TEX11: variants seen among roughly 807,000 people sequenced by gnomAD.
TEX11 encodes testis-expressed protein 11.
Under a neutral mutation model 84.4 loss-of-function variants are expected in TEX11, and 7 were observed. The observed-to-expected ratio is 0.08, with a 90% CI of 0.05 to 0.16. The LOEUF (loss-of-function observed/expected upper bound fraction) is 0.16. Among genes scored for constraint, TEX11 ranks in the 10% least tolerant of loss-of-function variants. The probability of loss-of-function intolerance (pLI) is 1.00; values close to 1 mark genes in which losing one functional copy is unlikely to be tolerated. For synonymous variants in TEX11, 264 were observed against 222.8 expected, an observed-to-expected ratio of 1.18 and a Z score of -1.64; for missense variants, 551 against 660.5, an observed-to-expected ratio of 0.83 and a Z score of 1.82.
intron 7 of TEX11, among the ~76,000 whole-genome samples, chrX:70,847,432 C>T (rs770305780): frequency 9.0e-6 from 1 of 111,447 alleles, no homozygotes; most frequent in African/African-American, 3.2e-5. Context: ...AAGCACTGGC[C>T]ACTGTTGATC....
At chrX:70,836,541 A>T (rs921954261) in intron 7 of TEX11, among the ~76,000 whole-genome samples, 1 of 112,445 alleles carries the variant, frequency 8.9e-6, no homozygotes, top group Non-Finnish European at 1.9e-5. Flanking sequence ...AGGGAGATAC[A>T]GATGGCAAAT....
intron 26 of TEX11, 111 bp from the exon 27 acceptor site, chrX:70,553,525 C>A: frequency 2.5e-6 from 1 of 399,969 alleles, no homozygotes. Flanking sequence ...AACAGATGAA[C>A]AAAAATAAAC....
intron 9 of TEX11, among the ~76,000 whole-genome samples, chrX:70,774,154 C>A (rs1006141450): frequency 9.1e-6 from 1 of 109,952 alleles, no homozygotes; most frequent in Non-Finnish European, 1.9e-5. Context: ...CAACAGACTG[C>A]GCACTGTCCT....
At chrX:70,773,341 C>T (rs934274624) in intron 9 of TEX11, among the ~76,000 whole-genome samples, 6 of 111,020 alleles carry the variant, frequency 5.4e-5, no homozygotes, top group African/African-American at 1.6e-4. Context: ...CCAGATTTCT[C>T]GGCAGAAACC....
chrX:70,825,703 T>C (rs2091341726), intron 8 of TEX11, among the ~76,000 whole-genome samples: 1 of 112,357 alleles, frequency 8.9e-6, no homozygotes, highest in Non-Finnish European at 1.9e-5. Flanking sequence ...TGGCCGGGTG[T>C]GGTGGCTCAC....
At chrX:70,579,211 G>A (rs182353858) in intron 25 of TEX11, among the ~76,000 whole-genome samples, 18 of 109,844 alleles carry the variant, frequency 1.6e-4, no homozygotes, top group South Asian at 1.6e-3. Flanking sequence ...AAACTGGGCC[G>A]GGCGCGGTGG....
intron 17 of TEX11, among the ~76,000 whole-genome samples, chrX:70,635,172 A>G (rs2089556467): frequency 8.9e-6 from 1 of 112,160 alleles, no homozygotes; most frequent in Non-Finnish European, 1.9e-5. Context: ...GAAAAGATGC[A>G]TTGAAGAGTG....
intron 18 of TEX11, among the ~76,000 whole-genome samples, chrX:70,629,043 G>C (rs901903478): frequency 1.2e-4 from 13 of 112,117 alleles, no homozygotes; most frequent in African/African-American, 4.2e-4. Flanking sequence ...ATTTTGCAAA[G>C]GATGAAATTA....
intron 17 of TEX11, among the ~76,000 whole-genome samples, chrX:70,639,158 G>A (rs752839369): frequency 2.7e-5 from 3 of 111,774 alleles, no homozygotes; most frequent in Middle Eastern, 4.6e-3. Context: ...AAGGGGTGAC[G>A]GACGGCACCT....
intron 16 of TEX11, among the ~76,000 whole-genome samples, chrX:70,658,931 A>G (rs1000604398): frequency 6.2e-5 from 7 of 112,018 alleles, no homozygotes; most frequent in African/African-American, 1.6e-4. Flanking sequence ...GGTTTTTGAC[A>G]AGGGTTCCCA....
At chrX:70,767,842 G>A (rs1385387548) in intron 9 of TEX11, among the ~76,000 whole-genome samples, 1 of 111,408 alleles carries the variant, frequency 9.0e-6, no homozygotes, top group Non-Finnish European at 1.9e-5. Context: ...TGAATCTGGA[G>A]ATCATTATGT....
At chrX:70,646,076 T>C (rs1484423390) in intron 17 of TEX11, among the ~76,000 whole-genome samples, 1 of 111,524 alleles carries the variant, frequency 9.0e-6, no homozygotes, top group Admixed American at 9.6e-5. Flanking sequence ...AACAGATACA[T>C]AGGCCAATGG....
At chrX:70,593,871 C>T (rs1161087716) in intron 24 of TEX11, among the ~76,000 whole-genome samples, 2 of 111,007 alleles carry the variant, frequency 1.8e-5, no homozygotes, top group African/African-American at 3.3e-5. Flanking sequence ...TAAACCAAGC[C>T]TCAGTAAAAC....
At chrX:70,857,041 T>G (rs2091540443) in intron 5 of TEX11, 1 of 111,257 alleles carries the variant, frequency 9.0e-6, no homozygotes, top group Admixed American at 9.6e-5. Flanking sequence ...CTGGGTTTGT[T>G]GAATATAAAA....
intron 25 of TEX11, among the ~76,000 whole-genome samples, chrX:70,582,307 A>T (rs2088787263): frequency 8.9e-6 from 1 of 111,894 alleles, no homozygotes; most frequent in South Asian, 3.7e-4. Context: ...TTGACCTAGC[A>T]GATGCTCTGA....
chrX:70,710,708 C>T (rs1430261942), intron 13 of TEX11, among the ~76,000 whole-genome samples: 1 of 110,632 alleles, frequency 9.0e-6, no homozygotes, highest in African/African-American at 3.3e-5. Context: ...TGATCTTCAG[C>T]TGATCTAGCC....
intron 13 of TEX11, among the ~76,000 whole-genome samples, chrX:70,690,787 C>A (rs2090227989): frequency 9.1e-6 from 1 of 110,092 alleles, no homozygotes; most frequent in African/African-American, 3.3e-5. Context: ...TGTAACACAT[C>A]AATAATTACA....
At chrX:70,751,617 A>C (rs1000086966) in intron 9 of TEX11, among the ~76,000 whole-genome samples, 1 of 110,700 alleles carries the variant, frequency 9.0e-6, no homozygotes, top group South Asian at 3.9e-4. Context: ...CTTGTACCCT[A>C]AAACTTAAAG....
chrX:70,797,755 T>C (rs915890222), intron 9 of TEX11, among the ~76,000 whole-genome samples: 6 of 104,884 alleles, frequency 5.7e-5, no homozygotes, highest in Non-Finnish European at 3.9e-5. Flanking sequence ...ATAAAAATCA[T>C]ATAGTCATCT....
Sources: gnomAD v4.1 joint callset for allele counts (sites outside exome capture counted in the v4.1 genomes callset) on GRCh38, gnomAD v4.1.1 for gene constraint, MANE v1.5 for transcripts, NCBI Gene and HGNC (gene_info 2026-07-23, HGNC 2026-07-21) for gene names.